The following PPP6R3 variants were observed in gnomAD, a reference collection of about 807,000 sequenced individuals.
PPP6R3 encodes the protein protein phosphatase 6 regulatory subunit 3.
In PPP6R3, 38 loss-of-function variants were observed where a neutral mutation model predicts 110.7. The observed-to-expected ratio is 0.34, with a 90% CI of 0.26 to 0.45. The LOEUF is 0.45. Ranked by LOEUF, PPP6R3 falls within the 20% of genes least tolerant of loss-of-function variation. PPP6R3 has a pLI of 1.00. For synonymous variants in PPP6R3, 369 were observed against 373.5 expected, an observed-to-expected ratio of 0.99 and a Z score of 0.14; for missense variants, 870 against 1,062.4, an observed-to-expected ratio of 0.82 and a Z score of 2.52.
At chr11:68,478,527 C>T (rs1428845894) in intron 1 of PPP6R3, among the ~76,000 whole-genome samples, 1 of 151,846 alleles carries the variant, frequency 6.6e-6, no homozygotes, top group African/African-American at 2.4e-5. Context: ...CTTTTTCTGC[C>T]CTTTTACTTT....
intron 19 of PPP6R3, among the ~76,000 whole-genome samples, chr11:68,599,817 C>T (rs1215975686): frequency 1.3e-5 from 2 of 152,130 alleles, no homozygotes; most frequent in Non-Finnish European, 2.9e-5. Flanking sequence ...TCTTTTGGAA[C>T]AGTTGTTAGA....
At chr11:68,587,758 T>C (rs1467533990) in intron 15 of PPP6R3, 169 bp from the exon 16 acceptor site, 1 of 704,946 alleles carries the variant, frequency 1.4e-6, no homozygotes, top group South Asian at 1.6e-5. Flanking sequence ...GTTTCCTTTT[T>C]TGGCAAATTG....
In PPP6R3 at chr11:68,614,829, C is replaced by T; in HGVS notation, c.*1712C>T. ...AGGACAGGGCTCCTCCTGCTTGCCTCAGGGCTGCCTGACTTGAATGGCGTT... is the reference window on the plus strand; with the variant it reads ...AGGACAGGGCTCCTCCTGCTTGCCTTAGGGCTGCCTGACTTGAATGGCGTT... On this transcript the variant is annotated 3_prime_UTR_variant, in exon 24 of 24. Transcript: ENST00000393800. 1 of 1,341,806 alleles carries T rather than the reference C, an allele frequency of 7.5e-7. No individual in the cohort carries two copies. The highest frequency in any genetic ancestry group is 1.0e-6 in the Non-Finnish European group (1 of 962,982). 83.1% of individuals were successfully genotyped at this position (1,341,806 alleles called of 1,614,324 possible). A position where few individuals can be genotyped will look rare whatever the true frequency, so the allele number is the denominator to read the frequency against.
chr11:68,613,114 A>G lies in PPP6R3; in HGVS notation c.2619A>G (p.Val873=). 3 of 1,614,084 alleles carry G rather than the reference A, an allele frequency of 1.9e-6. No homozygotes were observed. The highest frequency in any genetic ancestry group is 1.7e-6 in the Non-Finnish European group (2 of 1,179,996). Residue 873 remains valine (V), a synonymous_variant, in exon 24 of 24, where the codon GTA becomes GTG. Transcript: ENST00000393800. ...GTGACACTTCAGTGAATGGCCCTGTATGACGGGTGACGTCTGCTGCTGCTG... is the reference window on the plus strand; with the variant it reads ...GTGACACTTCAGTGAATGGCCCTGTGTGACGGGTGACGTCTGCTGCTGCTG... ...APGDTSVNGP[V]
chr11:68,564,318 A>G lies in PPP6R3; in HGVS notation c.861A>G (p.Ile287Met). The G allele has an allele frequency of 6.2e-7, 1 of 1,611,382 alleles. No homozygotes were observed. The highest frequency in any genetic ancestry group is 1.1e-5 in the South Asian group (1 of 90,918). Residue 287 changes from isoleucine to methionine, a missense_variant, in exon 9 of 24, where the codon ATA becomes ATG. Coordinates refer to ENST00000393800, the MANE Select transcript of PPP6R3 (RefSeq NM_001164161.2). The stretch of plus-strand genomic sequence containing the variant: ...TTGTTTCAAGATTTGAAGGCCATAT[A>G]GAGATCTGCCCACCAGGCATGAGCC... ...ETRRPTFEGH[I>M]EICPPGMSHS...
chr11:68,607,978 AGGCTGATCTCAAACTCCT>A (rs1388659717), intron 22 of PPP6R3, among the ~76,000 whole-genome samples: 1 of 151,118 alleles, frequency 6.6e-6, no homozygotes, highest in Non-Finnish European at 1.5e-5. Flanking sequence ...TTTGTGGCCC[AGGCTGATCTCAAACTCCT>A]GGCTTCAAGT....
intron 1 of PPP6R3, among the ~76,000 whole-genome samples, chr11:68,487,176 ATCT>A (rs1163638602): frequency 6.6e-6 from 1 of 151,798 alleles, no homozygotes; most frequent in African/African-American, 2.4e-5. Context: ...TTGGTTTTGG[ATCT>A]TCTTTTTTAG....
At chr11:68,587,173 AAC>A (rs199954632) in intron 15 of PPP6R3, 3,129 of 110,402 alleles carry the variant, frequency 0.028, 49 homozygotes, top group African/African-American at 0.058. Flanking sequence ...GGTCCATTAT[AAC>A]ACCCCCCCCC....
chr11:68,577,882 A>G (rs1447292049), intron 14 of PPP6R3, among the ~76,000 whole-genome samples: 1 of 152,218 alleles, frequency 6.6e-6, no homozygotes, highest in Non-Finnish European at 1.5e-5. Flanking sequence ...AAACAAAATC[A>G]TAAGTTGGCT....
chr11:68,608,014 C>T (rs192647817), intron 22 of PPP6R3, among the ~76,000 whole-genome samples: 45 of 148,706 alleles, frequency 3.0e-4, no homozygotes, highest in Non-Finnish European at 6.2e-4. Context: ...AGTGAGCCTC[C>T]TTCCTCGGCA....
At chr11:68,486,143 G>A (rs1156338617) in intron 1 of PPP6R3, among the ~76,000 whole-genome samples, 1 of 151,694 alleles carries the variant, frequency 6.6e-6, no homozygotes, top group Non-Finnish European at 1.5e-5. Flanking sequence ...TATATATAAT[G>A]CTTTTTATGT....
intron 7 of PPP6R3, 171 bp from the exon 8 acceptor site, chr11:68,558,395 A>G (rs2099407321): frequency 2.2e-6 from 1 of 453,608 alleles, no homozygotes; most frequent in Non-Finnish European, 3.9e-6. Flanking sequence ...TGTGTAATTT[A>G]TAAATAGGAT....
intron 1 of PPP6R3, among the ~76,000 whole-genome samples, chr11:68,489,693 ATAAT>A (rs1476696750): frequency 1.3e-5 from 2 of 151,602 alleles, no homozygotes; most frequent in African/African-American, 2.4e-5. Context: ...TAAAATACTT[ATAAT>A]TAAAGTCTGT....
Position 68,614,922 on chromosome 11 carries a change from GC to G in PPP6R3, c.*1807del, listed in dbSNP as rs1297873085. On this transcript the variant is annotated 3_prime_UTR_variant, in exon 24 of 24. Transcript: ENST00000393800. ...CTGGTGGTGAGTTTTGCCAGCCATG[GC>G]CAGGGTTTGGCTCCACTGGTGGCAC... 4.2e-6 allele frequency: 3 copies of G among 711,152 alleles called. No individual in the cohort carries two copies. The East Asian group carries it at 9.2e-5, about 22-fold the overall frequency. 44.1% of individuals were successfully genotyped at this position (711,152 alleles called of 1,614,324 possible). A position where few individuals can be genotyped will look rare whatever the true frequency, so the allele number is the denominator to read the frequency against.
chr11:68,468,189 T>C (rs1413454547), intron 1 of PPP6R3, among the ~76,000 whole-genome samples: 1 of 152,186 alleles, frequency 6.6e-6, no homozygotes, highest in South Asian at 2.1e-4. Context: ...CAGTTTTAAG[T>C]GCTATTTGTT....
chr11:68,574,267 C>A, intron 13 of PPP6R3, 43 bp downstream of exon 13: 1 of 1,517,022 alleles, frequency 6.6e-7, no homozygotes, highest in Non-Finnish European at 9.1e-7. Context: ...TGTTGGGTTG[C>A]AGGAAGGATT....
At position 68,567,161 on chromosome 11, in the gene PPP6R3, A is replaced by G; in HGVS notation, c.1123A>G (p.Ile375Val). ...TATGGAGCTGAATAGCATTGGAGTC[A>G]TATTGGTGAGATTTTCCCTGCTCAC... is the stretch of plus-strand genomic sequence containing the variant. Reference protein sequence around the residue: ...DLMELNSIGVILNMFFKYTWN... With the variant: ...DLMELNSIGVVLNMFFKYTWN... Residue 375 changes from isoleucine (I) to valine (V), a missense_variant, in exon 10 of 24, where the codon ATA becomes GTA. By Grantham distance (29) the Ile-to-Val change is conservative (BLOSUM62 3). Coordinates refer to ENST00000393800, the MANE Select transcript of PPP6R3 (RefSeq NM_001164161.2). 2.0e-6 allele frequency: 3 copies of G among 1,537,546 alleles called. No individual in the cohort carries two copies. The highest frequency in any genetic ancestry group is 2.6e-6 in the Non-Finnish European group (3 of 1,141,654).
At chr11:68,475,513 CCCGGACGGGGCAGCGG>C (rs1466117004) in intron 1 of PPP6R3, among the ~76,000 whole-genome samples, 5 of 151,862 alleles carry the variant, frequency 3.3e-5, no homozygotes, top group Admixed American at 6.6e-5. Context: ...CCCGCCACCT[CCCGGACGGGGCAGCGG>C]CCGGGCGGGG....
At chr11:68,506,414 CAAAAAAAAAAAAAAAAA>C (rs67739319) in intron 1 of PPP6R3, among the ~76,000 whole-genome samples, 1,474 of 46,236 alleles carry the variant, frequency 0.032, 61 homozygotes, top group African/African-American at 0.086. Context: ...CCTTTATACT[CAAAAAAAAAAAAAAAAA>C]AAAAAAAAAA....
Sources: gnomAD v4.1 joint callset for allele counts (sites outside exome capture counted in the v4.1 genomes callset) on GRCh38, gnomAD v4.1.1 for gene constraint, MANE v1.5 for transcripts, NCBI Gene and HGNC (gene_info 2026-07-23, HGNC 2026-07-21) for gene names.